The following FSCN1 variants were observed in gnomAD, a reference collection of about 807,000 sequenced individuals.
The protein encoded by FSCN1 is fascin.
A neutral mutation model predicts 39.7 loss-of-function variants in FSCN1; 10 were observed. That is an observed-to-expected ratio of 0.25 (90% CI 0.16 to 0.43). FSCN1 has a LOEUF of 0.43. FSCN1 is among the 20% of genes least tolerant of loss of function. The probability of loss-of-function intolerance (pLI) is 1.00; values close to 1 mark genes in which losing one functional copy is unlikely to be tolerated. For missense variants in FSCN1, 525 were observed against 723.8 expected (o/e 0.73, Z 3.15); for synonymous variants, 322 against 320.0 (o/e 1.01, Z -0.07).
In FSCN1 at chr7:5,593,026, G is replaced by C. The variant is rs751708806; in HGVS notation, c.90G>C (p.Gly30=). The change falls in exon 1 of 5, where the codon GGG becomes GGC. Residue 30 remains glycine (G), a synonymous_variant. Coordinates refer to ENST00000382361, the MANE Select transcript of FSCN1 (RefSeq NM_003088.4). Reference sequence around the variant, plus strand: ...AGTACCTGACGGCCGAGGCGTTCGGGTTCAAGGTGAACGCGTCCGCCAGCA... The same window carrying C: ...AGTACCTGACGGCCGAGGCGTTCGGCTTCAAGGTGAACGCGTCCGCCAGCA... ...GNKYLTAEAF[G]FKVNASASSL... is the part of the protein sequence containing the mutation. 5 of 1,598,090 alleles carry C rather than the reference G, an allele frequency of 3.1e-6. No homozygotes were observed. The Admixed American group carries it at 6.9e-5, about 22-fold the overall frequency.
intron 1 of FSCN1, among the ~76,000 whole-genome samples, chr7:5,602,131 C>G (rs7807718): frequency 0.015 from 2,315 of 151,832 alleles, 59 homozygotes; most frequent in African/African-American, 0.053. Flanking sequence ...GTCTCAAACT[C>G]CCGACCTCGG....
In FSCN1 at chr7:5,593,101, G is replaced by C; in HGVS notation, c.165G>C (p.Ala55=). Residue 55 remains alanine, a synonymous_variant, in exon 1 of 5, where the codon GCG becomes GCC. Transcript: ENST00000382361. ...IWTLEQPPDE[A]GSAAVCLRSH... is the part of the protein sequence containing the mutation. ...CGCTGGAGCAGCCCCCTGACGAGGC[G>C]GGCAGCGCGGCCGTGTGCCTGCGCA... 4 of 1,604,830 alleles carry C rather than the reference G, an allele frequency of 2.5e-6. No individual in the cohort carries two copies. In the Middle Eastern group the frequency reaches 5.8e-4, roughly 231 times the overall value.
rs957335015 is a variant in FSCN1, at chr7:5,606,345, CCT to C, written c.*874_*875del. 6.6e-6 allele frequency: 1 copy of C among 152,100 alleles called. No individual in the cohort carries two copies. The highest frequency in any genetic ancestry group is 1.5e-5 in the Non-Finnish European group (1 of 68,030). The allele number at this position is 152,100 out of a possible 1,614,324, so 9.4% of individuals were successfully genotyped here. On this transcript the variant is annotated 3_prime_UTR_variant, in exon 5 of 5. Transcript: ENST00000382361. The surrounding 1 kb of genome is among the most constrained non-coding windows in gnomAD (Gnocchi z 5.1). ...CTCCCCAGGGGGTGCATCTCAGCCC[CCT>C]CTTTCCGTCCTTCCCGTCCAGCCCC...
Position 5,593,374 on chromosome 7 carries a change from C to T in FSCN1, c.438C>T (p.Ser146=). ...TGCACCCTCAGGTCAACATCTACAG[C>T]GTCACCCGTAAGCGCTACGCGCACC... ...IAMHPQVNIY[S]VTRKRYAHLS... Residue 146 remains serine (S), a synonymous_variant, in exon 1 of 5, where the codon AGC becomes AGT. Coordinates refer to ENST00000382361, the MANE Select transcript of FSCN1 (RefSeq NM_003088.4). 7 of 1,612,432 alleles carry T rather than the reference C, an allele frequency of 4.3e-6. No individual in the cohort carries two copies. Among genetic ancestry groups the T allele is most frequent in the Non-Finnish European group, 5.9e-6 (7 of 1,179,810 alleles).
intron 1 of FSCN1, among the ~76,000 whole-genome samples, chr7:5,598,591 C>G (rs3801004): frequency 0.12 from 18,293 of 152,238 alleles, 1,145 homozygotes; most frequent in African/African-American, 0.16. Context: ...TGTGTGAGGA[C>G]GAGCCCTGTA....
At chr7:5,594,050 C>T (rs1196604715) in intron 1 of FSCN1, 4 of 409,662 alleles carry the variant, frequency 9.8e-6, no homozygotes, top group Admixed American at 4.4e-5. Flanking sequence ...TCCTAACCCC[C>T]CCCCCCGCCC....
rs111508747 is a variant in FSCN1 at position 5,605,209 on chromosome 7, G to A, written c.1280-63G>A. The A allele has an allele frequency of 6.1e-6, 8 of 1,307,834 alleles. No homozygotes were observed. Among genetic ancestry groups the A allele is most frequent in the South Asian group, 2.5e-5 (2 of 80,824 alleles). 81.0% of individuals were successfully genotyped at this position (1,307,834 alleles called of 1,614,324 possible). On this transcript the variant is annotated intron_variant, in intron 4 of 4. Transcript: ENST00000382361. The surrounding 1 kb of genome is among the most constrained non-coding windows in gnomAD (Gnocchi z 6.9). ...TTGGGAACACCCGTGCCCACCCTCC[G>A]CTGCCCAGGGTAGGGGTGGGGAGCC...
Position 5,605,186 on chromosome 7 carries a change from G to T in FSCN1, c.1280-86G>T. The T allele has an allele frequency of 1.0e-6, 1 of 1,000,914 alleles. No homozygotes were observed. The highest frequency in any genetic ancestry group is 1.6e-6 in the Non-Finnish European group (1 of 643,846). 62.0% of individuals were successfully genotyped at this position (1,000,914 alleles called of 1,614,324 possible). A position where few individuals can be genotyped will look rare whatever the true frequency, so the allele number is the denominator to read the frequency against. The stretch of plus-strand genomic sequence containing the variant: ...GACTGGAGGGTGGGGCGTCACCCTT[G>T]GGAACACCCGTGCCCACCCTCCGCT... On this transcript the variant is annotated intron_variant, in intron 4 of 4. Coordinates refer to ENST00000382361, the MANE Select transcript of FSCN1 (RefSeq NM_003088.4). This position sits in a 1 kb window ranked among gnomAD's most constrained non-coding sequence, Gnocchi z 6.9.
At chr7:5,596,319 GC>G (rs1455860486) in intron 1 of FSCN1, among the ~76,000 whole-genome samples, 5 of 152,316 alleles carry the variant, frequency 3.3e-5, no homozygotes, top group Non-Finnish European at 5.9e-5. Context: ...GCACGGGCGG[GC>G]CCGGTGGGGG....
chr7:5,593,719 C>G lies in FSCN1; in HGVS notation c.783C>G (p.Ala261=). The part of the protein sequence containing the change: ...DELFALEQSC[A]QVVLQAANER... ...TCTTTGCTCTGGAGCAGAGCTGCGCCCAGGTCGTGCTGCAGGCGGCCAACG... is the reference window on the plus strand; with the variant it reads ...TCTTTGCTCTGGAGCAGAGCTGCGCGCAGGTCGTGCTGCAGGCGGCCAACG... The change falls in exon 1 of 5, where the codon GCC becomes GCG. Residue 261 remains alanine (A), a synonymous_variant. Transcript: ENST00000382361. 6.3e-7 allele frequency: 1 copy of G among 1,593,176 alleles called. No homozygotes were observed. Among genetic ancestry groups the G allele is most frequent in the Non-Finnish European group, 8.5e-7 (1 of 1,176,516 alleles).
In FSCN1 at chr7:5,599,499, A is replaced by C. The variant is rs1785789367; in HGVS notation, c.833-3758A>C. On this transcript the variant is annotated intron_variant, in intron 1 of 4. Transcript: ENST00000382361. The surrounding 1 kb of genome is among the most constrained non-coding windows in gnomAD (Gnocchi z 5.6). Reference sequence around the variant, plus strand: ...ACCTGTGGAGCAGATGTGGGGCTGCATGGTTGGGTCAGGATGGAACAGGAT... The same window carrying C: ...ACCTGTGGAGCAGATGTGGGGCTGCCTGGTTGGGTCAGGATGGAACAGGAT... Among the ~76,000 whole-genome samples, 1 of 152,138 alleles carries C rather than the reference A, an allele frequency of 6.6e-6. No homozygotes were observed. The highest frequency in any genetic ancestry group is 2.4e-5 in the African/African-American group (1 of 41,428).
chr7:5,601,674 C>G (rs1408289628), intron 1 of FSCN1, among the ~76,000 whole-genome samples: 1 of 151,784 alleles, frequency 6.6e-6, no homozygotes, highest in Non-Finnish European at 1.5e-5. Flanking sequence ...CCTGTCTGTA[C>G]CAAATAGAAA....
intron 1 of FSCN1, among the ~76,000 whole-genome samples, chr7:5,595,417 C>G (rs1785712377): frequency 6.6e-6 from 1 of 152,234 alleles, no homozygotes; most frequent in Non-Finnish European, 1.5e-5. Context: ...GAGCTCCTCA[C>G]CTGATCAGCA....
At position 5,604,102 on chromosome 7, in the gene FSCN1, C is replaced by T. The variant is rs566989533; in HGVS notation, c.1279+72C>T. The T allele has an allele frequency of 7.1e-5, 101 of 1,429,392 alleles. No individual in the cohort carries two copies. In the African/African-American group the frequency reaches 7.4e-4, roughly 10 times the overall value. 88.5% of individuals were successfully genotyped at this position (1,429,392 alleles called of 1,614,324 possible). The stretch of plus-strand genomic sequence containing the variant: ...GGGCTGGGGTCAGTGCTGCGGGGAG[C>T]GCCCTCTGCATCCACACTGGACCCT... On this transcript the variant is annotated intron_variant, in intron 4 of 4. Coordinates refer to ENST00000382361, the MANE Select transcript of FSCN1 (RefSeq NM_003088.4).
In FSCN1 at chr7:5,599,593, C is replaced by T. The variant is rs1358704118; in HGVS notation, c.833-3664C>T. Among the ~76,000 whole-genome samples, 1 of 152,062 alleles carries T rather than the reference C, an allele frequency of 6.6e-6. No individual in the cohort carries two copies. Among genetic ancestry groups the T allele is most frequent in the East Asian group, 1.9e-4 (1 of 5,188 alleles). On this transcript the variant is annotated intron_variant, in intron 1 of 4. Transcript: ENST00000382361. This position sits in a 1 kb window ranked among gnomAD's most constrained non-coding sequence, Gnocchi z 5.6. ...TTGGGAGGCAAAGGTGGGAGGACTGCTTGAGTCCTGGAGTTTGGGCAACAT... is the reference window on the plus strand; with the variant it reads ...TTGGGAGGCAAAGGTGGGAGGACTGTTTGAGTCCTGGAGTTTGGGCAACAT...
intron 4 of FSCN1, among the ~76,000 whole-genome samples, chr7:5,604,992 C>T (rs1211607481): frequency 2.0e-5 from 3 of 151,430 alleles, no homozygotes; most frequent in Non-Finnish European, 4.4e-5. Flanking sequence ...AAGGCTGGCT[C>T]GAACTCCTGA....
chr7:5,601,990 T>C (rs967553255), intron 1 of FSCN1, among the ~76,000 whole-genome samples: 2 of 151,862 alleles, frequency 1.3e-5, no homozygotes, highest in Non-Finnish European at 2.9e-5. Context: ...ATTTCATTCT[T>C]GTTGCCCAGG....
At chr7:5,596,382 C>T (rs1785731107) in intron 1 of FSCN1, among the ~76,000 whole-genome samples, 1 of 151,924 alleles carries the variant, frequency 6.6e-6, no homozygotes, top group East Asian at 1.9e-4. Context: ...GCCTCAGTTT[C>T]CCCATCTGTA....
intron 1 of FSCN1, 135 bp downstream of exon 1, chr7:5,593,903 G>A: frequency 1.6e-6 from 1 of 640,922 alleles, no homozygotes; most frequent in Non-Finnish European, 2.6e-6. Flanking sequence ...GCCCCCGCTA[G>A]GCACGCGGGC....
Sources: allele counts gnomAD v4.1 joint callset (sites outside exome capture counted in the v4.1 genomes callset), GRCh38; gene constraint gnomAD v4.1.1; non-coding constraint Gnocchi (gnomAD v3.1); transcripts MANE v1.5; gene names NCBI Gene and HGNC (gene_info 2026-07-23, HGNC 2026-07-21).